OSMR: variants seen among roughly 807,000 people sequenced by gnomAD.
The protein encoded by OSMR is oncostatin-M-specific receptor subunit beta.
Under a neutral mutation model 99.9 loss-of-function variants are expected in OSMR, and 81 were observed. The ratio of observed to expected loss-of-function variants is 0.81; its 90% confidence interval spans 0.68 to 0.97. OSMR has a LOEUF of 0.97. Among genes scored for constraint, OSMR ranks in the 50% least tolerant of loss-of-function variants. OSMR has a pLI of 0.00. For synonymous variants in OSMR, 406 were observed against 410.4 expected (o/e 0.99, Z 0.13); for missense variants, 1,099 against 1,153.4 (o/e 0.95, Z 0.68).
Position 38,925,333 on chromosome 5 carries a change from G to A in OSMR, c.2174G>A (p.Ser725Asn), listed in dbSNP as rs1358678481. 1 of 1,613,990 alleles carries A rather than the reference G, an allele frequency of 6.2e-7. No homozygotes were observed. Among genetic ancestry groups the A allele is most frequent in the African/African-American group, 1.3e-5 (1 of 74,904 alleles). The change falls in exon 15 of 18, where the codon AGT becomes AAT. Residue 725 changes from serine to asparagine, a missense_variant. Physicochemically the swap from Ser to Asn is conservative, Grantham distance 46. Coordinates refer to ENST00000274276, the MANE Select transcript of OSMR (RefSeq NM_003999.3). ...TPFTSAGEGP[S>N]ATFTKVTTPD... ...TTCACTAGTGCTGGTGAAGGCCCCA[G>A]TGCTACGTTCACGAAGGTCACGACT...
intron 15 of OSMR, among the ~76,000 whole-genome samples, chr5:38,928,178 C>T (rs995049930): frequency 1.3e-5 from 2 of 151,408 alleles, no homozygotes; most frequent in Non-Finnish European, 2.9e-5. Flanking sequence ...CCCTCCAAGT[C>T]TCTAAGAAGT....
chr5:38,912,563 GA>G (rs1251661970), intron 9 of OSMR, among the ~76,000 whole-genome samples: 3 of 151,770 alleles, frequency 2.0e-5, no homozygotes, highest in East Asian at 3.9e-4. Context: ...CACAGAAATA[GA>G]AAAAAACTAT....
At chr5:38,883,626 C>T in intron 4 of OSMR, 1 of 800,328 alleles carries the variant, frequency 1.2e-6, no homozygotes, top group Non-Finnish European at 1.5e-6. Flanking sequence ...GCAGTGGTAT[C>T]AGTGTAACAA....
At chr5:38,895,901 A>C (rs1381182779) in intron 7 of OSMR, among the ~76,000 whole-genome samples, 1 of 151,988 alleles carries the variant, frequency 6.6e-6, no homozygotes, top group Non-Finnish European at 1.5e-5. Flanking sequence ...TATTTATTGA[A>C]GAGACTGTCC....
chr5:38,879,109 A>G (rs186911859), intron 3 of OSMR, among the ~76,000 whole-genome samples: 11 of 152,324 alleles, frequency 7.2e-5, no homozygotes, highest in Admixed American at 5.9e-4. Flanking sequence ...TTCTCCCACA[A>G]TTTGGATAAA....
At chr5:38,846,701 G>A (rs1382725247) in intron 1 of OSMR, among the ~76,000 whole-genome samples, 1 of 152,144 alleles carries the variant, frequency 6.6e-6, no homozygotes, top group Non-Finnish European at 1.5e-5. Flanking sequence ...CACAGGTGGA[G>A]AGAGGAATCC....
intron 3 of OSMR, among the ~76,000 whole-genome samples, chr5:38,880,001 T>C (rs1010121221): frequency 6.6e-6 from 1 of 152,110 alleles, no homozygotes; most frequent in African/African-American, 2.4e-5. Context: ...TTAAGGAACA[T>C]ATTTTGTGAT....
At chr5:38,923,121 T>C (rs755403626) in intron 12 of OSMR, 29 bp from the exon 13 acceptor site, 7 of 1,612,274 alleles carry the variant, frequency 4.3e-6, no homozygotes, top group Non-Finnish European at 5.9e-6. Flanking sequence ...CATTCTGTTA[T>C]TAAAAATCTG....
chr5:38,901,363 G>A (rs1744878055), intron 7 of OSMR, among the ~76,000 whole-genome samples: 1 of 152,146 alleles, frequency 6.6e-6, no homozygotes, highest in Non-Finnish European at 1.5e-5. Context: ...GAACCTACTG[G>A]TCCCTTGGGA....
chr5:38,933,179 A>G lies in OSMR; in HGVS notation c.2675A>G (p.Asn892Ser). ...SMLGLMTSPE[N>S]VLKALEKNYM... ...CTGGGACTAATGACCTCACCTGAAA[A>G]TGTACTAAAGGCACTAGAAAAAAAC... The change falls in exon 18 of 18, where the codon AAT (asparagine) becomes AGT (serine). Residue 892 changes from asparagine (N) to serine (S), a missense_variant. By Grantham distance (46) the Asn-to-Ser change is conservative. Coordinates refer to ENST00000274276, the MANE Select transcript of OSMR (RefSeq NM_003999.3). 1 of 1,614,166 alleles carries G rather than the reference A, an allele frequency of 6.2e-7. No individual in the cohort carries two copies. The highest frequency in any genetic ancestry group is 8.5e-7 in the Non-Finnish European group (1 of 1,180,032).
Position 38,917,569 on chromosome 5 carries a change from T to A in OSMR, c.1309T>A (p.Trp437Arg). 6.2e-7 allele frequency: 1 copy of A among 1,613,596 alleles called. No individual in the cohort carries two copies. The highest frequency in any genetic ancestry group is 8.5e-7 in the Non-Finnish European group (1 of 1,179,554). ...AGCTCCCTCAGAGGCCCCTGATGTC[T>A]GGAGAATTGTGAGCTTGGAGCCAGG... Reference protein sequence around the residue: ...EAAPSEAPDVWRIVSLEPGNH... With the variant: ...EAAPSEAPDVRRIVSLEPGNH... Residue 437 changes from tryptophan (W) to arginine (R), a missense_variant, in exon 10 of 18, where the codon TGG becomes AGG. Trp to Arg is a moderately radical substitution (Grantham distance 101). Coordinates refer to ENST00000274276, the MANE Select transcript of OSMR (RefSeq NM_003999.3).
intron 1 of OSMR, among the ~76,000 whole-genome samples, chr5:38,855,255 G>A (rs1740751854): frequency 6.6e-6 from 1 of 152,156 alleles, no homozygotes; most frequent in South Asian, 2.1e-4. Flanking sequence ...TTTTCTGTCT[G>A]TACTTCTGGT....
chr5:38,870,927 G>T (rs187806003), intron 2 of OSMR, among the ~76,000 whole-genome samples: 1 of 152,286 alleles, frequency 6.6e-6, no homozygotes, highest in African/African-American at 2.4e-5. Flanking sequence ...TCTCCTGGTG[G>T]GTGAGAGTTC....
chr5:38,938,183 T>C (rs1579831082), downstream of OSMR: 2 of 221,126 alleles, frequency 9.0e-6, no homozygotes, highest in East Asian at 1.3e-4. Context: ...GATTTCAATG[T>C]CTGTTCAGTG....
At chr5:38,913,226 A>G (rs1030204919) in intron 9 of OSMR, among the ~76,000 whole-genome samples, 7 of 152,068 alleles carry the variant, frequency 4.6e-5, no homozygotes. Flanking sequence ...AAACAATTCA[A>G]CAAGCAGAAA....
intron 1 of OSMR, among the ~76,000 whole-genome samples, chr5:38,848,671 A>G (rs1034693937): frequency 6.6e-6 from 1 of 152,200 alleles, no homozygotes; most frequent in African/African-American, 2.4e-5. Flanking sequence ...TTAAATATGC[A>G]AATTATCTTA....
rs533678932 is a variant in OSMR at position 38,923,312 on chromosome 5, A to T, written c.1870+58A>T. The T allele has an allele frequency of 2.2e-5, 24 of 1,109,830 alleles. No individual in the cohort carries two copies. In the African/African-American group the frequency reaches 2.9e-4, roughly 13 times the overall value. The allele number at this position is 1,109,830 out of a possible 1,614,324, so 68.7% of individuals were successfully genotyped here. A position where few individuals can be genotyped will look rare whatever the true frequency, so the allele number is the denominator to read the frequency against. On this transcript the variant is annotated intron_variant, in intron 13 of 17. Coordinates refer to ENST00000274276, the MANE Select transcript of OSMR (RefSeq NM_003999.3). ...CAGACTTGTTCAGAACAATTCATAG[A>T]TTCCTAGCTTTGGGTTTAGGAAGCT...
rs116234941 is a variant in OSMR at position 38,875,064 on chromosome 5, C to T, written c.74-1137C>T. 6.2e-3 allele frequency among the ~76,000 whole-genome samples: 940 copies of T among 152,266 alleles called. 18 individuals carry two copies. The highest frequency in any genetic ancestry group is 0.021 in the African/African-American group (867 of 41,560). The stretch of plus-strand genomic sequence containing the variant: ...ATAATCTCTTACCATTTAAACGTAA[C>T]GTTTGAGGGGTTCAAATGACAAGGG... On this transcript the variant is annotated intron_variant, in intron 2 of 17. Transcript: ENST00000274276.
chr5:38,915,522 G>C (rs968567563), intron 9 of OSMR, among the ~76,000 whole-genome samples: 1 of 152,122 alleles, frequency 6.6e-6, no homozygotes, highest in African/African-American at 2.4e-5. Context: ...ATGGAATCTG[G>C]ACTATTAAAC....
Sources: gnomAD v4.1 joint callset for allele counts (sites outside exome capture counted in the v4.1 genomes callset) on GRCh38, gnomAD v4.1.1 for gene constraint, MANE v1.5 for transcripts, NCBI Gene and HGNC (gene_info 2026-07-23, HGNC 2026-07-21) for gene names.